Variants in CCDC171 observed in about 807,000 individuals in gnomAD.
The protein encoded by CCDC171 is coiled-coil domain containing 171.
A neutral mutation model predicts 168.2 loss-of-function variants in CCDC171; 177 were observed. The ratio of observed to expected loss-of-function variants is 1.05; its 90% CI spans 0.93 to 1.19. The LOEUF is 1.19. CCDC171 is among the 50% of genes most tolerant of loss of function. The probability of loss-of-function intolerance (pLI) is 0.00; values close to 1 mark genes in which losing one functional copy is unlikely to be tolerated. For missense variants in CCDC171, 1,991 were observed against 1,539.0 expected (o/e 1.29, Z -4.91); for synonymous variants, 687 against 540.8 (o/e 1.27, Z -3.75).
chr9:15,690,249 G>A (rs1250536557), intron 10 of CCDC171, among the ~76,000 whole-genome samples: 2 of 152,024 alleles, frequency 1.3e-5, no homozygotes, highest in Non-Finnish European at 2.9e-5. Context: ...CTTTAATTGG[G>A]TGAGCTGTAT....
chr9:15,796,460 G>C (rs2058561584), intron 21 of CCDC171, among the ~76,000 whole-genome samples: 1 of 152,014 alleles, frequency 6.6e-6, no homozygotes, highest in Non-Finnish European at 1.5e-5. Flanking sequence ...GGGAGAAAAA[G>C]GATTACTTAC....
intron 11 of CCDC171, among the ~76,000 whole-genome samples, chr9:15,719,128 CAA>C (rs1183115065): frequency 2.0e-5 from 3 of 151,002 alleles, no homozygotes; most frequent in Admixed American, 6.6e-5. Flanking sequence ...ATAAATTTAA[CAA>C]AGAGACTGAA....
chr9:15,867,863 T>A lies in CCDC171; in HGVS notation c.3469-6669T>A, dbSNP rs567825977. Reference sequence around the variant, plus strand: ...TTCTCAAGTATGGTTTTTTTGTTTGTTTAAATAGCTCAAGGTCAAAGCACT... The same window carrying A: ...TTCTCAAGTATGGTTTTTTTGTTTGATTAAATAGCTCAAGGTCAAAGCACT... On this transcript the variant is annotated intron_variant, in intron 23 of 25. Transcript: ENST00000380701. 3.9e-4 allele frequency among the ~76,000 whole-genome samples: 59 copies of A among 152,194 alleles called. 1 individual carries two copies. The highest frequency in any genetic ancestry group is 2.3e-3 in the East Asian group (12 of 5,162).
At chr9:15,597,815 A>T (rs1169089051) in intron 6 of CCDC171, among the ~76,000 whole-genome samples, 1 of 152,082 alleles carries the variant, frequency 6.6e-6, no homozygotes, top group African/African-American at 2.4e-5. Flanking sequence ...TATTGCCTCA[A>T]TTTCAGAGCC....
rs897666746 is a variant in CCDC171, at chr9:16,050,652, G to A, written n.89+7766G>A. 2.6e-5 allele frequency among the ~76,000 whole-genome samples: 4 copies of A among 152,308 alleles called. 1 individual carries two copies. The South Asian group carries it at 6.2e-4, about 24-fold the overall frequency. ...TTTGCAAATTTGACACCACAAAAGT[G>A]CATTATCACAACATTGTCTTTGTAT... On this transcript the variant is annotated intron_variant and non_coding_transcript_variant, in intron 1 of 1. Coordinates refer to the CCDC171 transcript ENST00000478913.
At chr9:15,810,859 C>T (rs936203672) in intron 21 of CCDC171, among the ~76,000 whole-genome samples, 14 of 152,206 alleles carry the variant, frequency 9.2e-5, no homozygotes, top group African/African-American at 2.7e-4. Context: ...CACAGTGCAG[C>T]GGCAGGCTGA....
chr9:15,987,859 A>C (rs1005169653), intron 3 of CCDC171, among the ~76,000 whole-genome samples: 8 of 152,308 alleles, frequency 5.3e-5, no homozygotes, highest in African/African-American at 1.9e-4. Flanking sequence ...TATATACCTT[A>C]TACACACGGC....
At chr9:15,712,799 A>G (rs1254324856) in intron 11 of CCDC171, among the ~76,000 whole-genome samples, 4 of 152,168 alleles carry the variant, frequency 2.6e-5, no homozygotes, top group Non-Finnish European at 5.9e-5. Context: ...TTGTAACCCA[A>G]TCAGCCTTGG....
intron 25 of CCDC171, among the ~76,000 whole-genome samples, chr9:15,958,765 G>T (rs1455566498): frequency 6.6e-6 from 1 of 151,992 alleles, no homozygotes; most frequent in Non-Finnish European, 1.5e-5. Flanking sequence ...GCTGTTTTAT[G>T]AGAAATTACG....
At chr9:15,627,994 G>T (rs1356561420) in intron 7 of CCDC171, among the ~76,000 whole-genome samples, 1 of 152,144 alleles carries the variant, frequency 6.6e-6, no homozygotes, top group Non-Finnish European at 1.5e-5. Flanking sequence ...GTTTAGGGAA[G>T]CCGTATTGTG....
intron 3 of CCDC171, among the ~76,000 whole-genome samples, chr9:15,994,187 T>A (rs565886784): frequency 4.1e-4 from 63 of 152,308 alleles, no homozygotes; most frequent in African/African-American, 1.4e-3. Context: ...GAACCAACCC[T>A]AATGTCCATC....
intron 10 of CCDC171, among the ~76,000 whole-genome samples, chr9:15,692,927 A>G (rs372127187): frequency 6.6e-6 from 1 of 151,882 alleles, no homozygotes; most frequent in Non-Finnish European, 1.5e-5. Context: ...ACTTGAGGTC[A>G]GGAGTTCAAG....
chr9:15,631,113 T>C (rs1039916928), intron 7 of CCDC171, among the ~76,000 whole-genome samples: 3 of 151,818 alleles, frequency 2.0e-5, no homozygotes, highest in Admixed American at 6.6e-5. Context: ...TTAAAAGAAC[T>C]AGAGAAGCAA....
At chr9:15,985,857 C>T (rs1035023549) in intron 3 of CCDC171, among the ~76,000 whole-genome samples, 2 of 152,210 alleles carry the variant, frequency 1.3e-5, no homozygotes, top group African/African-American at 4.8e-5. Context: ...TGATACCATT[C>T]ACCAAGAAGT....
At chr9:15,839,757 A>G (rs543994029) in intron 21 of CCDC171, among the ~76,000 whole-genome samples, 3 of 152,184 alleles carry the variant, frequency 2.0e-5, no homozygotes, top group African/African-American at 7.2e-5. Flanking sequence ...TATGTGGAAC[A>G]CTCCCCATAG....
chr9:15,740,759 G>A (rs184071909), intron 16 of CCDC171, among the ~76,000 whole-genome samples: 3 of 152,220 alleles, frequency 2.0e-5, no homozygotes, highest in Admixed American at 1.3e-4. Flanking sequence ...GGTTTTGTTG[G>A]TGTTTCAATA....
chr9:16,105,250 C>A, the CCDC171 span, among the ~76,000 whole-genome samples: 2 of 152,150 alleles, frequency 1.3e-5, no homozygotes, highest in Non-Finnish European at 2.9e-5. Context: ...ATAGAAGGGA[C>A]ATTTAATATC....
At chr9:15,606,391 C>G (rs2131747630) in intron 6 of CCDC171, among the ~76,000 whole-genome samples, 1 of 152,224 alleles carries the variant, frequency 6.6e-6, no homozygotes, top group African/African-American at 2.4e-5. Flanking sequence ...CATTTTCAAG[C>G]TTATGGATTC....
chr9:15,878,564 G>A (rs1337832625), intron 24 of CCDC171, among the ~76,000 whole-genome samples: 1 of 152,178 alleles, frequency 6.6e-6, no homozygotes, highest in Non-Finnish European at 1.5e-5. Flanking sequence ...GTGGAAAGCA[G>A]TGTGGCAATT....
Sources: gnomAD v4.1 joint callset for allele counts (sites outside exome capture counted in the v4.1 genomes callset) on GRCh38, gnomAD v4.1.1 for gene constraint, MANE v1.5 for transcripts, NCBI Gene and HGNC (gene_info 2026-07-23, HGNC 2026-07-21) for gene names.